The following ZNF248 variants were observed in gnomAD, a reference collection of about 807,000 sequenced individuals.
ZNF248 encodes the protein zinc finger protein 248, also known as KRAB protein domain.
In ZNF248, 20 loss-of-function variants were observed where a neutral mutation model predicts 44.3. That is an observed-to-expected ratio of 0.45 (90% CI 0.32 to 0.66). ZNF248 has a LOEUF of 0.66. ZNF248 is among the 30% of genes least tolerant of loss of function. The probability of loss-of-function intolerance (pLI) is 0.04; values close to 1 mark genes in which losing one functional copy is unlikely to be tolerated. For synonymous variants in ZNF248, 224 were observed against 229.0 expected (o/e 0.98, Z 0.20); for missense variants, 654 against 677.0 (o/e 0.97, Z 0.38).
chr10:37,808,590 A>G (rs1269232820), intron 6 of ZNF248, among the ~76,000 whole-genome samples: 2 of 152,096 alleles, frequency 1.3e-5, no homozygotes, highest in Non-Finnish European at 2.9e-5. Flanking sequence ...CAGCTGGTAC[A>G]CAATCTTTTC....
At chr10:37,773,141 G>T (rs2046333765), downstream of ZNF248, among the ~76,000 whole-genome samples, 1 of 152,190 alleles carries the variant, frequency 6.6e-6, no homozygotes. Context: ...AGCTACTCAG[G>T]AGGCTGAGGC....
In ZNF248 at chr10:37,831,930, G is replaced by A. The variant is rs766050187; in HGVS notation, c.1425C>T (p.His475=). 3.1e-6 allele frequency: 5 copies of A among 1,610,066 alleles called. No homozygotes were observed. In the South Asian group the frequency reaches 4.4e-5, roughly 14 times the overall value. ...ECNACGKSFC[H]RSALTVHQRT... Reference sequence around the variant, plus strand: ...TCTGATGCACAGTGAGGGCTGATCTGTGGCAGAAGGATTTCCCACATGCAT... The same window carrying A: ...TCTGATGCACAGTGAGGGCTGATCTATGGCAGAAGGATTTCCCACATGCAT... Residue 475 remains histidine (H), a synonymous_variant, in exon 6 of 6, where the codon CAC becomes CAT. Coordinates refer to ENST00000395867, the MANE Select transcript of ZNF248 (RefSeq NM_021045.3).
chr10:37,788,119 G>T (rs1050857966), intron 6 of ZNF248, among the ~76,000 whole-genome samples: 2 of 150,158 alleles, frequency 1.3e-5, no homozygotes, highest in African/African-American at 2.5e-5. Flanking sequence ...TAAAAAATTA[G>T]CCAGGTGTAG....
intron 6 of ZNF248, chr10:37,776,600 C>A (rs2046601657): frequency 2.5e-6 from 1 of 398,014 alleles, no homozygotes; most frequent in African/African-American, 2.1e-5. Flanking sequence ...TCATTTTACT[C>A]AGAAACTTCA....
At chr10:37,777,532 ACT>A (rs2046720820) in intron 6 of ZNF248, among the ~76,000 whole-genome samples, 4 of 121,682 alleles carry the variant, frequency 3.3e-5, no homozygotes, top group African/African-American at 9.1e-5. Context: ...CTGGTCTTCG[ACT>A]CTTTTTTTTT....
chr10:37,839,367 A>T (rs1478643712), intron 3 of ZNF248, among the ~76,000 whole-genome samples: 1 of 152,154 alleles, frequency 6.6e-6, no homozygotes, highest in African/African-American at 2.4e-5. Context: ...TACAAGAAAC[A>T]ATACATCAGT....
At chr10:37,786,610 C>T (rs193299909) in intron 6 of ZNF248, among the ~76,000 whole-genome samples, 40 of 152,152 alleles carry the variant, frequency 2.6e-4, no homozygotes, top group African/African-American at 7.7e-4. Flanking sequence ...TGAATCATTC[C>T]ATTGAAAAAA....
At chr10:37,777,011 G>A (rs528935318) in intron 6 of ZNF248, among the ~76,000 whole-genome samples, 7 of 152,098 alleles carry the variant, frequency 4.6e-5, no homozygotes, top group African/African-American at 1.4e-4. Flanking sequence ...TAACTACTAA[G>A]CTCTGTGCCA....
At chr10:37,779,513 T>C (rs1341439645) in intron 6 of ZNF248, among the ~76,000 whole-genome samples, 76 of 151,920 alleles carry the variant, frequency 5.0e-4, no homozygotes, top group South Asian at 2.9e-3. Context: ...TGGGACGTAT[T>C]TCAAAATAAT....
chr10:37,822,623 G>C (rs931678189), intron 6 of ZNF248, among the ~76,000 whole-genome samples: 1 of 151,972 alleles, frequency 6.6e-6, no homozygotes, highest in Non-Finnish European at 1.5e-5. Flanking sequence ...TAATAATATA[G>C]TCAAGATCAG....
intron 6 of ZNF248, among the ~76,000 whole-genome samples, chr10:37,777,404 G>A (rs1301177819): frequency 6.6e-6 from 1 of 152,038 alleles, no homozygotes; most frequent in East Asian, 1.9e-4. Flanking sequence ...CTTCCTTTCT[G>A]ATTTCCTCCC....
At chr10:37,816,542 G>C (rs976609066) in intron 6 of ZNF248, among the ~76,000 whole-genome samples, 3 of 152,172 alleles carry the variant, frequency 2.0e-5, no homozygotes, top group Non-Finnish European at 4.4e-5. Context: ...TGACACAAGG[G>C]GGGCCTATTA....
rs1482629823 is a variant in ZNF248, at chr10:37,831,942, T to C, written c.1413A>G (p.Lys471=). 1 of 1,611,858 alleles carries C rather than the reference T, an allele frequency of 6.2e-7. No individual in the cohort carries two copies. The highest frequency in any genetic ancestry group is 1.3e-5 in the African/African-American group (1 of 74,194). The change falls in exon 6 of 6, where the codon AAA becomes AAG. Residue 471 remains lysine, a synonymous_variant. Coordinates refer to ENST00000395867, the MANE Select transcript of ZNF248 (RefSeq NM_021045.3). ...TGAGGGCTGATCTGTGGCAGAAGGA[T>C]TTCCCACATGCATTACATTCATAGG... ...EKPYECNACG[K]SFCHRSALTV... is the part of the protein sequence containing the mutation.
chr10:37,834,063 A>G (rs752401482), intron 5 of ZNF248, among the ~76,000 whole-genome samples: 4 of 152,040 alleles, frequency 2.6e-5, no homozygotes, highest in Non-Finnish European at 5.9e-5. Context: ...CATACCTTCC[A>G]CTCAACTAGA....
chr10:37,850,204 C>T (rs986327800), intron 3 of ZNF248, among the ~76,000 whole-genome samples: 1 of 152,196 alleles, frequency 6.6e-6, no homozygotes, highest in Non-Finnish European at 1.5e-5. Context: ...ACTGTACCAA[C>T]TCTCTTTGAA....
chr10:37,776,320 T>G (rs541825880), downstream of ZNF248: 1 of 347,644 alleles, frequency 2.9e-6, no homozygotes, highest in African/African-American at 2.1e-5. Flanking sequence ...GGTCCAAACC[T>G]TTCATCATAG....
chr10:37,780,992 G>A (rs1412660620), intron 6 of ZNF248, among the ~76,000 whole-genome samples: 4 of 151,332 alleles, frequency 2.6e-5, no homozygotes, highest in African/African-American at 9.8e-5. Flanking sequence ...GTTTTTGTTC[G>A]GGACCATTCG....
chr10:37,770,127 T>C, the ZNF248 span, among the ~76,000 whole-genome samples: 1 of 152,022 alleles, frequency 6.6e-6, no homozygotes, highest in Non-Finnish European at 1.5e-5. Context: ...TAAAAGAGGA[T>C]ACAAACAAAT....
chr10:37,793,785 A>G (rs1053414562), intron 6 of ZNF248, among the ~76,000 whole-genome samples: 2 of 152,210 alleles, frequency 1.3e-5, no homozygotes, highest in African/African-American at 4.8e-5. Context: ...TTCCGTGTAT[A>G]TATGCGTGTA....
Sources: gnomAD v4.1 joint callset for allele counts (sites outside exome capture counted in the v4.1 genomes callset) on GRCh38, gnomAD v4.1.1 for gene constraint, MANE v1.5 for transcripts, NCBI Gene and HGNC (gene_info 2026-07-23, HGNC 2026-07-21) for gene names.